TRIM22: variants seen among roughly 807,000 people sequenced by gnomAD.
TRIM22 encodes E3 ubiquitin-protein ligase TRIM22.
In TRIM22, 45 loss-of-function variants were observed where a neutral mutation model predicts 53.6. The observed-to-expected ratio is 0.84, with a 90% confidence interval of 0.66 to 1.08. TRIM22 has a LOEUF of 1.08. Ranked by LOEUF, TRIM22 falls within the 50% of genes least tolerant of loss-of-function variation. The pLI, the probability that TRIM22 is intolerant of heterozygous loss-of-function variation, is 0.00. For missense variants in TRIM22, 616 were observed against 590.9 expected, an observed-to-expected ratio of 1.04 and a Z score of -0.44; for synonymous variants, 225 against 216.6, an observed-to-expected ratio of 1.04 and a Z score of -0.34.
chr11:5,709,514 T>C lies in TRIM22; in HGVS notation c.1363T>C (p.Ser455Pro). Residue 455 changes from serine (S) to proline (P), a missense_variant, in exon 8 of 8, where the codon TCA becomes CCA. Physicochemically the swap from Ser to Pro is moderately conservative, Grantham distance 74. Coordinates refer to ENST00000379965, the MANE Select transcript of TRIM22 (RefSeq NM_006074.5). ...CCTAGACTATGAGGCAGGCATTGTC[T>C]CATTTTTCAATGTCACAAACCACGG... is the stretch of plus-strand genomic sequence containing the variant. ...VFLDYEAGIV[S>P]FFNVTNHGAL... The C allele has an allele frequency of 1.2e-6, 2 of 1,614,222 alleles. No individual in the cohort carries two copies. Among genetic ancestry groups the C allele is most frequent in the Middle Eastern group, 1.6e-4 (1 of 6,062 alleles).
intron 1 of TRIM22, chr11:5,691,002 G>C (rs1241097289): frequency 6.6e-6 from 1 of 152,244 alleles, no homozygotes; most frequent in East Asian, 1.9e-4. Context: ...CAGCCCTCTG[G>C]TTAGTCCGAG....
chr11:5,690,784 C>T (rs577669175), intron 1 of TRIM22, among the ~76,000 whole-genome samples: 1 of 152,196 alleles, frequency 6.6e-6, no homozygotes, highest in East Asian at 1.9e-4. Context: ...CCCGAAGAAG[C>T]CTGTGCAATG....
At chr11:5,703,651 C>T (rs573146435) in intron 4 of TRIM22, among the ~76,000 whole-genome samples, 53 of 151,640 alleles carry the variant, frequency 3.5e-4, no homozygotes, top group African/African-American at 1.2e-3. Flanking sequence ...TCCCAAAGTG[C>T]TGGGACTACA....
rs776561729 is a variant in TRIM22, at chr11:5,696,669, T to C, written c.423+14T>C. The C allele has an allele frequency of 6.3e-6, 10 of 1,598,312 alleles. No individual in the cohort carries two copies. The Admixed American group carries it at 6.7e-5, about 11-fold the overall frequency. On this transcript the variant is annotated intron_variant, in intron 2 of 7. Coordinates refer to ENST00000379965, the MANE Select transcript of TRIM22 (RefSeq NM_006074.5). ...AAGGAATGTCAGGTAGGCTCCAAGA[T>C]AGAGGAAGAGAGAGCAGAGAGCAGA...
intron 4 of TRIM22, among the ~76,000 whole-genome samples, chr11:5,704,989 T>A (rs560215269): frequency 6.2e-4 from 95 of 152,274 alleles, no homozygotes; most frequent in African/African-American, 2.3e-3. Context: ...AGGACAATAT[T>A]TGTTTGTCTG....
At chr11:5,705,502 A>C (rs1262358248) in intron 4 of TRIM22, among the ~76,000 whole-genome samples, 1 of 152,198 alleles carries the variant, frequency 6.6e-6, no homozygotes, top group Non-Finnish European at 1.5e-5. Flanking sequence ...GTTTTGTCAG[A>C]TATTACAACA....
chr11:5,703,928 C>G (rs1853416759), intron 4 of TRIM22, among the ~76,000 whole-genome samples: 1 of 152,076 alleles, frequency 6.6e-6, no homozygotes, highest in Admixed American at 6.6e-5. Context: ...AAATGCAAAT[C>G]AAAACCACAA....
chr11:5,708,465 G>A, intron 6 of TRIM22, 112 bp from the exon 7 acceptor site: 1 of 1,122,130 alleles, frequency 8.9e-7, no homozygotes, highest in Non-Finnish European at 1.3e-6. Flanking sequence ...TCATTCACCA[G>A]TGCAAAGAAT....
chr11:5,698,517 T>A lies in TRIM22; in HGVS notation c.722T>A (p.Leu241Ter). The change falls in exon 4 of 8, where the codon TTG becomes TAG. Residue 241 changes from leucine (L) to a stop codon, truncating the protein, a stop_gained. Coordinates refer to ENST00000379965, the MANE Select transcript of TRIM22 (RefSeq NM_006074.5). LOFTEE classifies it high-confidence loss of function. Reference protein sequence around the residue: ...STLISDLQRRLRGSSVEMLQD... With the variant: ...STLISDLQRR Reference sequence around the variant, plus strand: ...CTCATCTCAGATCTCCAGCGGAGGTTGAGGGGATCGTCAGTAGAGATGCTG... The same window carrying A: ...CTCATCTCAGATCTCCAGCGGAGGTAGAGGGGATCGTCAGTAGAGATGCTG... The A allele has an allele frequency of 6.2e-7, 1 of 1,613,800 alleles. No individual in the cohort carries two copies. The highest frequency in any genetic ancestry group is 8.5e-7 in the Non-Finnish European group (1 of 1,179,782).
chr11:5,706,583 C>CT lies in TRIM22; in HGVS notation c.751-7dup. 6.2e-7 allele frequency: 1 copy of CT among 1,611,816 alleles called. No homozygotes were observed. On this transcript the variant is annotated splice_polypyrimidine_tract_variant and intron_variant, in intron 4 of 7. Transcript: ENST00000379965. The stretch of plus-strand genomic sequence containing the variant: ...CCCTATCTTGACTCATGTTTTCTAT[C>CT]TTTTCCCCAGGATGTGATTGACGTC...
Position 5,709,610 on chromosome 11 carries a change from T to A in TRIM22, c.1459T>A (p.Cys487Ser), listed in dbSNP as rs771852085. 6.2e-7 allele frequency: 1 copy of A among 1,610,270 alleles called. No homozygotes were observed. Among genetic ancestry groups the A allele is most frequent in the Non-Finnish European group, 8.5e-7 (1 of 1,179,974 alleles). Reference sequence around the variant, plus strand: ...TTATCCGTATTTCAATCCTTGGAACTGCCTAGTCCCCATGACTGTGTGCCC... The same window carrying A: ...TTATCCGTATTTCAATCCTTGGAACAGCCTAGTCCCCATGACTGTGTGCCC... ...PAYPYFNPWN[C>S]LVPMTVCPPS... The change falls in exon 8 of 8, where the codon TGC (cysteine) becomes AGC (serine). Residue 487 changes from cysteine to serine, a missense_variant. Coordinates refer to ENST00000379965, the MANE Select transcript of TRIM22 (RefSeq NM_006074.5).
At chr11:5,699,350 C>T (rs1232461522) in intron 4 of TRIM22, among the ~76,000 whole-genome samples, 1 of 142,480 alleles carries the variant, frequency 7.0e-6, no homozygotes, top group African/African-American at 2.8e-5. Context: ...AGGTGAAACC[C>T]CGTCTCTACT....
In TRIM22 at chr11:5,693,638, C is replaced by A. The variant is rs540256371; in HGVS notation, c.-66-2529C>A. ...CTTGGAGGCTGAGGCAGGAGAATGG[C>A]GTGAACCCGAGAGGCGGAGCTGGCA... On this transcript the variant is annotated intron_variant, in intron 1 of 7. Coordinates refer to ENST00000379965, the MANE Select transcript of TRIM22 (RefSeq NM_006074.5). Among the ~76,000 whole-genome samples, 19 of 139,418 alleles carry A rather than the reference C, an allele frequency of 1.4e-4. No individual in the cohort carries two copies. The East Asian group carries it at 4.2e-3, about 31-fold the overall frequency. The allele number at this position is 139,418 out of a possible 152,430, so 91.5% of individuals were successfully genotyped here. A position where few individuals can be genotyped will look rare whatever the true frequency, so the allele number is the denominator to read the frequency against.
intron 2 of TRIM22, 23 bp from the exon 3 acceptor site, chr11:5,697,225 C>G: frequency 6.4e-7 from 1 of 1,567,936 alleles, no homozygotes; most frequent in East Asian, 2.2e-5. Context: ...TAACTTTACT[C>G]TGGTATAATT....
intron 1 of TRIM22, among the ~76,000 whole-genome samples, chr11:5,693,185 C>T (rs1415603722): frequency 3.9e-5 from 4 of 102,900 alleles, no homozygotes; most frequent in African/African-American, 9.9e-5. Context: ...CAGCGCCTGG[C>T]CATCTTTTTT....
At chr11:5,695,162 A>G (rs1853236542) in intron 1 of TRIM22, among the ~76,000 whole-genome samples, 1 of 152,222 alleles carries the variant, frequency 6.6e-6, no homozygotes. Context: ...AATCTTATAT[A>G]TTACATAGTA....
rs557242015 is a variant in TRIM22, at chr11:5,697,942, A to T, written c.520-373A>T. ...ATGGTCTCAATCTCCTGACCTTGTGATCCACCCATCTCAGCCTCCCAAAGT... is the reference window on the plus strand; with the variant it reads ...ATGGTCTCAATCTCCTGACCTTGTGTTCCACCCATCTCAGCCTCCCAAAGT... On this transcript the variant is annotated intron_variant, in intron 3 of 7. Coordinates refer to ENST00000379965, the MANE Select transcript of TRIM22 (RefSeq NM_006074.5). 3 of 207,054 alleles carry T rather than the reference A, an allele frequency of 1.4e-5. No homozygotes were observed. The South Asian group carries it at 2.6e-4, about 18-fold the overall frequency. The allele number at this position is 207,054 out of a possible 1,614,324, so 12.8% of individuals were successfully genotyped here.
intron 4 of TRIM22, among the ~76,000 whole-genome samples, chr11:5,702,399 T>C (rs1272291325): frequency 2.0e-5 from 3 of 146,910 alleles, no homozygotes; most frequent in African/African-American, 4.9e-5. Context: ...TACAAATATA[T>C]TTGAAATATA....
intron 5 of TRIM22, among the ~76,000 whole-genome samples, chr11:5,707,811 C>G (rs2134183889): frequency 7.1e-6 from 1 of 141,562 alleles, no homozygotes; most frequent in Non-Finnish European, 1.5e-5. Context: ...GACCCCATCT[C>G]AAAACAAACA....
Sources: allele counts gnomAD v4.1 joint callset (sites outside exome capture counted in the v4.1 genomes callset), GRCh38; gene constraint gnomAD v4.1.1; transcripts MANE v1.5; gene names NCBI Gene and HGNC (gene_info 2026-07-23, HGNC 2026-07-21).